Variants in KMT2C observed in about 807,000 individuals in gnomAD.
KMT2C encodes histone-lysine N-methyltransferase 2C.
KMT2C carries 88 observed loss-of-function variants against 507.9 expected under a neutral mutation model. The ratio of observed to expected loss-of-function variants is 0.17; its 90% CI spans 0.15 to 0.21. KMT2C has a LOEUF of 0.21. KMT2C is among the 10% of genes least tolerant of loss of function. The pLI, the probability that KMT2C is intolerant of heterozygous loss-of-function variation, is 1.00. For synonymous variants in KMT2C, 2,049 were observed against 2,080.8 expected, an observed-to-expected ratio of 0.98 and a Z score of 0.42; for missense variants, 4,954 against 5,957.8, an observed-to-expected ratio of 0.83 and a Z score of 5.55.
intron 1 of KMT2C, among the ~76,000 whole-genome samples, chr7:152,377,754 A>AAC (rs1554690868): frequency 5.9e-5 from 9 of 151,744 alleles, no homozygotes; most frequent in African/African-American, 2.2e-4. Flanking sequence ...AAAAAAAAAA[A>AAC]GTGATTCCTG....
At chr7:152,268,622 A>G (rs2095902105) in intron 7 of KMT2C, among the ~76,000 whole-genome samples, 2 of 152,210 alleles carry the variant, frequency 1.3e-5, no homozygotes. Context: ...TAGAAAGGAC[A>G]TAACTGGGAT....
chr7:152,378,876 C>A (rs903586089), intron 1 of KMT2C, among the ~76,000 whole-genome samples: 1 of 152,162 alleles, frequency 6.6e-6, no homozygotes, highest in African/African-American at 2.4e-5. Flanking sequence ...TTTTTCTGTA[C>A]TCTATTTTCA....
At chr7:152,274,060 C>T (rs1461581810) in intron 6 of KMT2C, among the ~76,000 whole-genome samples, 193 bp from the exon 7 acceptor site, 2 of 152,134 alleles carry the variant, frequency 1.3e-5, no homozygotes, top group Admixed American at 6.5e-5. Flanking sequence ...GTGCTACCAA[C>T]TCATCCTTCC....
At chr7:152,366,886 AGACGC>A (rs2097250858) in intron 1 of KMT2C, 6 of 388,300 alleles carry the variant, frequency 1.5e-5, no homozygotes. Flanking sequence ...AGCAAGGGCC[AGACGC>A]GGCGCGAGCT....
At chr7:152,353,054 T>C (rs529872300) in intron 2 of KMT2C, among the ~76,000 whole-genome samples, 4 of 152,318 alleles carry the variant, frequency 2.6e-5, no homozygotes, top group African/African-American at 7.2e-5. Flanking sequence ...TTCAAGTAAC[T>C]AGCACTTCAC....
At chr7:152,151,041 A>G (rs2091575022) in intron 50 of KMT2C, 34 bp from the exon 51 acceptor site, 1 of 1,297,330 alleles carries the variant, frequency 7.7e-7, no homozygotes, top group Non-Finnish European at 1.1e-6. Context: ...GGGAATCTCA[A>G]CAAGTCAAAA....
chr7:152,197,915 T>A (rs1023928379), intron 27 of KMT2C, among the ~76,000 whole-genome samples: 3 of 151,862 alleles, frequency 2.0e-5, no homozygotes, highest in African/African-American at 7.3e-5. Flanking sequence ...AGTATTTTTG[T>A]GGAAAAAAAT....
In KMT2C at chr7:152,249,997, C is replaced by T. The variant is rs1415742237; in HGVS notation, c.1736-44G>A. The T allele has an allele frequency of 2.7e-6, 3 of 1,125,286 alleles. No individual in the cohort carries two copies. In the South Asian group the frequency reaches 3.7e-5, roughly 14 times the overall value. 69.7% of individuals were successfully genotyped at this position (1,125,286 alleles called of 1,614,324 possible). On this transcript the variant is annotated intron_variant, in intron 12 of 58. Coordinates refer to ENST00000262189, the MANE Select transcript of KMT2C (RefSeq NM_170606.3). ...TAAAATCTCTAAGGAGTCAAAATTT[C>T]TGTAACACTGTTCCCTCAACAGTAA...
intron 6 of KMT2C, among the ~76,000 whole-genome samples, chr7:152,307,356 AGGAGAGAG>A (rs922819637): frequency 5.6e-5 from 7 of 125,054 alleles, no homozygotes; most frequent in East Asian, 2.7e-4. Context: ...GAGGGAGGGA[AGGAGAGAG>A]GGAGAGAGGG....
chr7:152,162,250 A>C lies in KMT2C; in HGVS notation c.11327T>G (p.Leu3776Arg). ...TTTATTTTTCAACAAGTGTTTCAGAAGTTCATTCCCTGAGTCTCCTTTGGC... is the reference window on the plus strand; with the variant it reads ...TTTATTTTTCAACAAGTGTTTCAGACGTTCATTCCCTGAGTCTCCTTTGGC... ...PAAKGDSGNE[L>R]LKHLLKNKKS... Residue 3776 changes from leucine to arginine, a missense_variant, in exon 43 of 59, where the codon CTT becomes CGT. Around this residue, in one of 29 missense-constraint regions of KMT2C, gnomAD observed 801 missense variants for 751.2 expected, o/e 1.07. Coordinates refer to ENST00000262189, the MANE Select transcript of KMT2C (RefSeq NM_170606.3). 6.2e-7 allele frequency: 1 copy of C among 1,614,190 alleles called. No individual in the cohort carries two copies. The highest frequency in any genetic ancestry group is 8.5e-7 in the Non-Finnish European group (1 of 1,180,024).
intron 1 of KMT2C, among the ~76,000 whole-genome samples, chr7:152,365,828 T>C (rs1347375427): frequency 6.6e-6 from 1 of 152,190 alleles, no homozygotes; most frequent in Non-Finnish European, 1.5e-5. Context: ...AGGTCTAAAA[T>C]AGATTCTATT....
intron 1 of KMT2C, among the ~76,000 whole-genome samples, chr7:152,385,611 C>CAAAAAAAAAAAAAAAAAA (rs1160527130): frequency 2.6e-4 from 5 of 19,442 alleles, no homozygotes; most frequent in East Asian, 1.8e-3. Context: ...GACTCCGTCT[C>CAAAAAAAAAAAAAAAAAA]AAAAAAAAAA....
intron 3 of KMT2C, among the ~76,000 whole-genome samples, chr7:152,322,048 G>A (rs1252205304): frequency 4.0e-5 from 6 of 150,446 alleles, no homozygotes; most frequent in Admixed American, 4.0e-4. Flanking sequence ...AAATAGTATG[G>A]TACTGGCACC....
rs2091394687 is a variant in KMT2C, at chr7:152,149,122, T to C, written c.12805A>G (p.Met4269Val). Reference protein sequence around the residue: ...ESIPSLPQSPMRETPSKAFHQ... With the variant: ...ESIPSLPQSPVRETPSKAFHQ... ...AATGCTTTGGAAGGCGTTTCTCTCA[T>C]AGGTGATTGTGGCAATGAAGGAATG... The change falls in exon 52 of 59, where the codon ATG becomes GTG. Residue 4269 changes from methionine to valine, a missense_variant. This residue lies in a region of KMT2C where 417 missense variants were observed against 461.1 expected (regional missense o/e 0.90). Transcript: ENST00000262189. 2.0e-6 allele frequency: 3 copies of C among 1,473,608 alleles called. No homozygotes were observed. Among genetic ancestry groups the C allele is most frequent in the Non-Finnish European group, 1.8e-6 (2 of 1,113,878 alleles). 91.3% of individuals were successfully genotyped at this position (1,473,608 alleles called of 1,614,324 possible).
intron 1 of KMT2C, among the ~76,000 whole-genome samples, chr7:152,417,680 C>T (rs2097753637): frequency 6.6e-6 from 1 of 152,068 alleles, no homozygotes; most frequent in African/African-American, 2.4e-5. Flanking sequence ...CTTGCTCTGT[C>T]GCCCAGGCTG....
chr7:152,301,532 G>T (rs560291173), intron 6 of KMT2C, among the ~76,000 whole-genome samples: 11 of 151,670 alleles, frequency 7.3e-5, no homozygotes, highest in Non-Finnish European at 1.5e-4. Context: ...GAAAAGAAAA[G>T]AAAAGTTAGC....
chr7:152,358,174 C>T (rs2097167555), intron 2 of KMT2C, among the ~76,000 whole-genome samples: 1 of 152,190 alleles, frequency 6.6e-6, no homozygotes, highest in South Asian at 2.1e-4. Context: ...TCTAGTTTGG[C>T]CTAGCCTTTC....
intron 23 of KMT2C, among the ~76,000 whole-genome samples, chr7:152,214,954 G>A (rs1485184407): frequency 6.6e-6 from 1 of 151,960 alleles, no homozygotes; most frequent in Non-Finnish European, 1.5e-5. Context: ...GATTTTAGGT[G>A]TACACACACA....
rs1180778112 is a variant in KMT2C at position 152,187,387 on chromosome 7, G to T, written c.4883C>A (p.Thr1628Lys). The T allele has an allele frequency of 6.2e-7, 1 of 1,614,054 alleles. No homozygotes were observed. ...SAPTVEGEND[T>K]MSNAQRSTLK... ...CGTGCTTCTCTGGGCATTCGACATT[G>T]TGTCATTTTCTCCTTCCACAGTGGG... The change falls in exon 33 of 59, where the codon ACA becomes AAA. Residue 1628 changes from threonine to lysine, a missense_variant. By Grantham distance (78) the Thr-to-Lys change is moderately conservative (BLOSUM62 -1). This residue lies in a region of KMT2C where 195 missense variants were observed against 183.7 expected (regional missense o/e 1.06). Coordinates refer to ENST00000262189, the MANE Select transcript of KMT2C (RefSeq NM_170606.3).
Sources: allele counts gnomAD v4.1 joint callset (sites outside exome capture counted in the v4.1 genomes callset), GRCh38; gene constraint gnomAD v4.1.1; regional missense constraint gnomAD v4.1.1; transcripts MANE v1.5; gene names NCBI Gene and HGNC (gene_info 2026-07-23, HGNC 2026-07-21).